Variants in AGAP3 observed in about 807,000 individuals in gnomAD.
The protein encoded by AGAP3 is arf-GAP with GTPase, ANK repeat and PH domain-containing protein 3.
Under a neutral mutation model 96.9 loss-of-function variants are expected in AGAP3, and 24 were observed. The observed-to-expected ratio is 0.25, with a 90% CI of 0.18 to 0.35. The LOEUF is 0.35. Ranked by LOEUF, AGAP3 falls within the 10% of genes least tolerant of loss-of-function variation. The probability of loss-of-function intolerance (pLI) is 1.00; values close to 1 mark genes in which losing one functional copy is unlikely to be tolerated. For synonymous variants in AGAP3, 563 were observed against 536.1 expected, an observed-to-expected ratio of 1.05 and a Z score of -0.69; for missense variants, 876 against 1,254.2, an observed-to-expected ratio of 0.70 and a Z score of 4.55.
chr7:151,114,659 C>G lies in AGAP3; in HGVS notation c.332-2134C>G. The G allele has an allele frequency of 1.0e-6, 1 of 958,360 alleles. No homozygotes were observed. The highest frequency in any genetic ancestry group is 1.2e-6 in the Non-Finnish European group (1 of 803,864). The allele number at this position is 958,360 out of a possible 1,614,324, so 59.4% of individuals were successfully genotyped here. A position where few individuals can be genotyped will look rare whatever the true frequency, so the allele number is the denominator to read the frequency against. The stretch of plus-strand genomic sequence containing the variant: ...GGAGGAGTTGAGGGACTCGGTCGGC[C>G]CACACCAGGTGCCCAGAGGCCGGAG... On this transcript the variant is annotated intron_variant, in intron 1 of 17. Coordinates refer to ENST00000397238, the MANE Select transcript of AGAP3 (RefSeq NM_031946.7). This position sits in a 1 kb window ranked among gnomAD's most constrained non-coding sequence, Gnocchi z 4.4.
At chr7:151,098,207 A>G (rs1798687707) in intron 1 of AGAP3, among the ~76,000 whole-genome samples, 1 of 152,154 alleles carries the variant, frequency 6.6e-6, no homozygotes, top group Admixed American at 6.5e-5. Context: ...AAAAATAGGA[A>G]AATTAGCCAG....
At chr7:151,132,405 C>T (rs2150517702) in intron 10 of AGAP3, among the ~76,000 whole-genome samples, 1 of 152,330 alleles carries the variant, frequency 6.6e-6, no homozygotes, top group African/African-American at 2.4e-5. Flanking sequence ...TCACAGAGGA[C>T]TGGGGTGGCA....
intron 9 of AGAP3, among the ~76,000 whole-genome samples, chr7:151,124,346 C>T (rs565668484): frequency 6.6e-6 from 1 of 152,332 alleles, no homozygotes; most frequent in South Asian, 2.1e-4. Flanking sequence ...TACCTCCTCA[C>T]CTCTCCCACC....
At chr7:151,115,724 C>G (rs1414506700) in intron 1 of AGAP3, 1 of 886,676 alleles carries the variant, frequency 1.1e-6, no homozygotes, top group East Asian at 6.7e-5. Context: ...GGCGAGCTGC[C>G]GCGCGCGTCC....
At chr7:151,110,978 A>T (rs1799255396) in intron 1 of AGAP3, among the ~76,000 whole-genome samples, 1 of 152,134 alleles carries the variant, frequency 6.6e-6, no homozygotes, top group Non-Finnish European at 1.5e-5. Flanking sequence ...AGCTGCTGGG[A>T]CACTTAGGGA....
intron 11 of AGAP3, among the ~76,000 whole-genome samples, chr7:151,135,285 C>A (rs1800550255): frequency 6.6e-6 from 1 of 152,218 alleles, no homozygotes. Context: ...TTGTCCTAGA[C>A]CATTGGATCT....
intron 9 of AGAP3, among the ~76,000 whole-genome samples, chr7:151,126,345 G>GGGAGCAGAGC (rs1218033219): frequency 3.0e-5 from 4 of 131,498 alleles, no homozygotes; most frequent in African/African-American, 6.0e-5. Context: ...CGCTGGAGAT[G>GGGAGCAGAGC]GGAGCAGAGC....
At chr7:151,127,207 C>G (rs1800214564) in intron 9 of AGAP3, among the ~76,000 whole-genome samples, 1 of 152,206 alleles carries the variant, frequency 6.6e-6, no homozygotes, top group Non-Finnish European at 1.5e-5. Flanking sequence ...ACCCCCCACC[C>G]TTGGGCGTCA....
intron 7 of AGAP3, among the ~76,000 whole-genome samples, chr7:151,119,714 C>T (rs907296370): frequency 6.6e-6 from 1 of 152,238 alleles, no homozygotes; most frequent in Non-Finnish European, 1.5e-5. Context: ...GTGCCTCTGA[C>T]TTAGCTCCCT....
chr7:151,105,783 C>A lies in AGAP3; in HGVS notation c.332-11010C>A, dbSNP rs1156554844. Among the ~76,000 whole-genome samples the A allele has an allele frequency of 7.2e-5, 4 of 55,430 alleles. 1 individual carries two copies. Among genetic ancestry groups the A allele is most frequent in the Admixed American group, 2.0e-4 (1 of 4,958 alleles). 36.4% of individuals were successfully genotyped at this position (55,430 alleles called of 152,430 possible). On this transcript the variant is annotated intron_variant, in intron 1 of 17. Transcript: ENST00000397238. ...CTCCAACCCCTCCATTCCGCCCCCCCCCCCGACACCACACACACACACACA... is the reference window on the plus strand; with the variant it reads ...CTCCAACCCCTCCATTCCGCCCCCCACCCCGACACCACACACACACACACA...
At position 151,108,610 on chromosome 7, in the gene AGAP3, C is replaced by T. The variant is rs932711765; in HGVS notation, c.332-8183C>T. 2.6e-4 allele frequency among the ~76,000 whole-genome samples: 40 copies of T among 152,226 alleles called. No individual in the cohort carries two copies. The highest frequency in any genetic ancestry group is 1.0e-4 in the Non-Finnish European group (7 of 68,040). On this transcript the variant is annotated intron_variant, in intron 1 of 17. Coordinates refer to ENST00000397238, the MANE Select transcript of AGAP3 (RefSeq NM_031946.7). This position sits in a 1 kb window ranked among gnomAD's most constrained non-coding sequence, Gnocchi z 4.2. The stretch of plus-strand genomic sequence containing the variant: ...TCCCAAGGATGTAGGCTGGGTCCTA[C>T]GCCAGTCCAGACTGCCAGCCGCGTC...
chr7:151,124,250 G>A (rs1800063996), intron 9 of AGAP3, among the ~76,000 whole-genome samples: 1 of 152,232 alleles, frequency 6.6e-6, no homozygotes, highest in Non-Finnish European at 1.5e-5. Context: ...CGTGGAAGGG[G>A]ATACTGAGGG....
In AGAP3 at chr7:151,118,777, G is replaced by A; in HGVS notation, c.969+145G>A. 8.1e-7 allele frequency: 1 copy of A among 1,235,414 alleles called. No homozygotes were observed. The highest frequency in any genetic ancestry group is 1.4e-5 in the South Asian group (1 of 73,972). The allele number at this position is 1,235,414 out of a possible 1,614,324, so 76.5% of individuals were successfully genotyped here. A position where few individuals can be genotyped will look rare whatever the true frequency, so the allele number is the denominator to read the frequency against. On this transcript the variant is annotated intron_variant, in intron 7 of 17. Coordinates refer to ENST00000397238, the MANE Select transcript of AGAP3 (RefSeq NM_031946.7). This position sits in a 1 kb window ranked among gnomAD's most constrained non-coding sequence, Gnocchi z 6.1. ...CCTTGCATGTTGCTTGGAAACATTG[G>A]TTGGAATTCCATTTAGCCGGCACCG...
chr7:151,135,976 A>C (rs1014046503), intron 11 of AGAP3, among the ~76,000 whole-genome samples: 2 of 152,156 alleles, frequency 1.3e-5, no homozygotes, highest in Non-Finnish European at 2.9e-5. Context: ...GAAGGAAGGA[A>C]GCTAAGAAGG....
chr7:151,113,990 TC>T (rs1173856236), intron 1 of AGAP3, among the ~76,000 whole-genome samples: 4 of 152,114 alleles, frequency 2.6e-5, no homozygotes, highest in African/African-American at 9.7e-5. Flanking sequence ...CCTGGAGAGG[TC>T]CGGGCCTCAG....
rs1164433740 is a variant in AGAP3, at chr7:151,140,201, T to C, written c.1804+85T>C. The C allele has an allele frequency of 1.5e-6, 2 of 1,318,240 alleles. No individual in the cohort carries two copies. The highest frequency in any genetic ancestry group is 1.9e-6 in the Non-Finnish European group (2 of 1,027,018). The allele number at this position is 1,318,240 out of a possible 1,614,324, so 81.7% of individuals were successfully genotyped here. Reference sequence around the variant, plus strand: ...TACCCTAAAAGTAACACCTATTTTTTATTTTTTGTATTCAGTGGATTAAGC... The same window carrying C: ...TACCCTAAAAGTAACACCTATTTTTCATTTTTTGTATTCAGTGGATTAAGC... On this transcript the variant is annotated intron_variant, in intron 13 of 17. Transcript: ENST00000397238. The surrounding 1 kb of genome is among the most constrained non-coding windows in gnomAD (Gnocchi z 5.4).
chr7:151,115,581 G>T (rs1279207962), intron 1 of AGAP3: 34 of 1,152,982 alleles, frequency 2.9e-5, no homozygotes, highest in Non-Finnish European at 3.6e-5. Flanking sequence ...GCCCGCGCCC[G>T]CCGCGCCGCT....
Position 151,133,323 on chromosome 7 carries a change from T to G in AGAP3, c.1327-1077T>G, listed in dbSNP as rs1020034046. 6.6e-6 allele frequency among the ~76,000 whole-genome samples: 1 copy of G among 152,178 alleles called. No individual in the cohort carries two copies. The highest frequency in any genetic ancestry group is 1.9e-4 in the East Asian group (1 of 5,194). On this transcript the variant is annotated intron_variant, in intron 10 of 17. Transcript: ENST00000397238. The surrounding 1 kb of genome is among the most constrained non-coding windows in gnomAD (Gnocchi z 5.4). ...CAGGCTGGGACAGCCCTTAGGGCAG[T>G]GTCTGATACTAAACACTTGTCAAAC...
intron 9 of AGAP3, among the ~76,000 whole-genome samples, chr7:151,128,135 A>C (rs1032973811): frequency 2.6e-5 from 4 of 152,112 alleles, no homozygotes; most frequent in African/African-American, 7.2e-5. Context: ...CCAGGAACTT[A>C]GCAAAATCTC....
Sources: allele counts gnomAD v4.1 joint callset (sites outside exome capture counted in the v4.1 genomes callset), GRCh38; gene constraint gnomAD v4.1.1; non-coding constraint Gnocchi (gnomAD v3.1); transcripts MANE v1.5; gene names NCBI Gene and HGNC (gene_info 2026-07-23, HGNC 2026-07-21).